Variants in METTL15 observed in about 807,000 individuals in gnomAD.
METTL15 encodes the protein methyltransferase 15, mitochondrial 12S rRNA N4-cytidine.
In METTL15, 34 loss-of-function variants were observed where a neutral mutation model predicts 38.3. The ratio of observed to expected loss-of-function variants is 0.89; its 90% confidence interval spans 0.68 to 1.18. METTL15 has a LOEUF of 1.18. Among genes scored for constraint, METTL15 ranks in the 50% most tolerant of loss-of-function variants. METTL15 has a pLI of 0.00. For synonymous variants in METTL15, 162 were observed against 170.9 expected, an observed-to-expected ratio of 0.95 and a Z score of 0.41; for missense variants, 438 against 498.4, an observed-to-expected ratio of 0.88 and a Z score of 1.15.
At chr11:28,446,424 C>A (rs987190380) in intron 6 of METTL15, among the ~76,000 whole-genome samples, 1 of 152,118 alleles carries the variant, frequency 6.6e-6, no homozygotes, top group Non-Finnish European at 1.5e-5. Context: ...GCAGATCTTA[C>A]AAGTTTTTCT....
intron 3 of METTL15, among the ~76,000 whole-genome samples, chr11:28,200,160 C>T (rs1193791472): frequency 6.6e-6 from 1 of 152,120 alleles, no homozygotes; most frequent in Non-Finnish European, 1.5e-5. Context: ...TATTCTACTT[C>T]TGTGAAAAAG....
intron 4 of METTL15, among the ~76,000 whole-genome samples, chr11:28,265,717 C>T (rs1855387642): frequency 6.6e-6 from 1 of 152,118 alleles, no homozygotes; most frequent in Non-Finnish European, 1.5e-5. Flanking sequence ...GCACTGTCTT[C>T]ATACAAATCT....
In METTL15 at chr11:28,507,653, C is replaced by T. The variant is rs576362662; in HGVS notation, c.*425-18825C>T. Among the ~76,000 whole-genome samples, 21 of 152,296 alleles carry T rather than the reference C, an allele frequency of 1.4e-4. No homozygotes were observed. The South Asian group carries it at 4.1e-3, about 30-fold the overall frequency. On this transcript the variant is annotated intron_variant and NMD_transcript_variant, in intron 6 of 7. Transcript: ENST00000532947. ...TCAAAAAATCTCCCCTACTCTTTCTCATCTCAGAAATGGGACCCTAATTTT... is the reference window on the plus strand; with the variant it reads ...TCAAAAAATCTCCCCTACTCTTTCTTATCTCAGAAATGGGACCCTAATTTT...
intron 5 of METTL15, among the ~76,000 whole-genome samples, chr11:28,401,296 G>A (rs181831731): frequency 7.3e-4 from 111 of 152,054 alleles, no homozygotes; most frequent in African/African-American, 2.6e-3. Context: ...ACCTGCCTGG[G>A]ATAATCATTT....
intron 6 of METTL15, among the ~76,000 whole-genome samples, chr11:28,498,106 C>G (rs900683230): frequency 4.0e-5 from 6 of 151,326 alleles, no homozygotes; most frequent in African/African-American, 1.5e-4. Flanking sequence ...GCATAGCTGT[C>G]ATGACTTAAT....
intron 6 of METTL15, among the ~76,000 whole-genome samples, chr11:28,446,908 A>G (rs1020758169): frequency 1.1e-4 from 16 of 152,298 alleles, no homozygotes; most frequent in African/African-American, 3.6e-4. Context: ...CTATAGAAAT[A>G]CAAGAATACA....
At position 28,433,950 on chromosome 11, in the gene METTL15, C is replaced by A. The variant is rs561007128; in HGVS notation, c.*424+9586C>A. Among the ~76,000 whole-genome samples the A allele has an allele frequency of 9.2e-5, 14 of 152,226 alleles. No individual in the cohort carries two copies. In the South Asian group the frequency reaches 2.5e-3, roughly 27 times the overall value. The stretch of plus-strand genomic sequence containing the variant: ...AAATGTAGTTAAACTAGACTCCTTC[C>A]TAAGTGAAGGATGGTCTCCTTGGGC... On this transcript the variant is annotated intron_variant and NMD_transcript_variant, in intron 6 of 7. Transcript: ENST00000532947.
intron 4 of METTL15, among the ~76,000 whole-genome samples, chr11:28,283,710 C>T (rs967160038): frequency 9.9e-5 from 15 of 152,100 alleles, no homozygotes; most frequent in African/African-American, 3.6e-4. Context: ...TGCCTACAAC[C>T]AAGGTATTGT....
At chr11:28,296,966 A>G (rs369012952) in intron 6 of METTL15, 35 bp downstream of exon 6, 2 of 1,610,150 alleles carry the variant, frequency 1.2e-6, no homozygotes, top group Non-Finnish European at 1.7e-6. Flanking sequence ...GTCTAAGAGA[A>G]AAAATTATAT....
In METTL15 at chr11:28,139,534, T is replaced by G. The variant is rs772039028; in HGVS notation, c.270+25930T>G. 3.3e-5 allele frequency among the ~76,000 whole-genome samples: 5 copies of G among 152,234 alleles called. No homozygotes were observed. The South Asian group carries it at 8.3e-4, about 25-fold the overall frequency. On this transcript the variant is annotated intron_variant, in intron 3 of 6. Transcript: ENST00000407364. Reference sequence around the variant, plus strand: ...TGGGAATTATCCGCATTTACCCACATGCTGCCTTTCCTCTGCTGTCAGTAA... The same window carrying G: ...TGGGAATTATCCGCATTTACCCACAGGCTGCCTTTCCTCTGCTGTCAGTAA...
At chr11:28,458,079 G>C (rs1321079671) in intron 6 of METTL15, among the ~76,000 whole-genome samples, 1 of 152,158 alleles carries the variant, frequency 6.6e-6, no homozygotes, top group Admixed American at 6.5e-5. Flanking sequence ...ATGAGGAGAT[G>C]GGGTGACTTT....
intron 6 of METTL15, among the ~76,000 whole-genome samples, chr11:28,319,621 C>T (rs145379823): frequency 1.2e-4 from 18 of 152,120 alleles, no homozygotes; most frequent in African/African-American, 3.9e-4. Context: ...TTTCATACTT[C>T]TCAGAATTTT....
chr11:28,512,497 C>T (rs1051267917), intron 6 of METTL15, among the ~76,000 whole-genome samples: 14 of 152,200 alleles, frequency 9.2e-5, no homozygotes, highest in African/African-American at 3.1e-4. Context: ...AGCTAAGGCC[C>T]GGTGAGAAAT....
At chr11:28,350,201 G>C (rs1564903310) in intron 3 of METTL15, among the ~76,000 whole-genome samples, 1 of 152,134 alleles carries the variant, frequency 6.6e-6, no homozygotes, top group Non-Finnish European at 1.5e-5. Flanking sequence ...ACCATAATCT[G>C]ATCCATGGGA....
chr11:28,498,638 T>A (rs1338807958), intron 6 of METTL15, among the ~76,000 whole-genome samples: 2 of 152,216 alleles, frequency 1.3e-5, no homozygotes, highest in African/African-American at 4.8e-5. Flanking sequence ...TTCCCCTTAT[T>A]TAGAGATTCA....
At chr11:28,497,056 TA>T (rs1302746096) in intron 6 of METTL15, among the ~76,000 whole-genome samples, 1 of 152,216 alleles carries the variant, frequency 6.6e-6, no homozygotes, top group East Asian at 1.9e-4. Flanking sequence ...CAGGATTTTG[TA>T]ACCTGGTTTA....
rs71858022 is a variant in METTL15, at chr11:28,318,961, CAAT to C, written c.779-11432_779-11430del. Among the ~76,000 whole-genome samples the C allele has an allele frequency of 3.3e-3, 495 of 152,234 alleles. 4 individuals carry two copies. The highest frequency in any genetic ancestry group is 0.012 in the African/African-American group (484 of 41,528). On this transcript the variant is annotated intron_variant, in intron 6 of 6. Coordinates refer to ENST00000407364, the MANE Select transcript of METTL15 (RefSeq NM_001113528.2). ...ATGTACAGTCAATAACCTGAGCTAA[CAAT>C]AAGTTATTTTCAATAGAACAAAAAG... is the stretch of plus-strand genomic sequence containing the variant.
intron 6 of METTL15, chr11:28,516,850 G>A (rs567298403): frequency 1.4e-4 from 21 of 152,258 alleles, no homozygotes; most frequent in African/African-American, 4.3e-4. Flanking sequence ...GAATGTCATC[G>A]GAATGCCCAT....
intron 6 of METTL15, among the ~76,000 whole-genome samples, chr11:28,525,061 C>T (rs1275072209): frequency 2.0e-5 from 3 of 151,914 alleles, no homozygotes; most frequent in African/African-American, 7.3e-5. Context: ...CTGGTGGGTT[C>T]GTGGTCTCGC....
Sources: allele counts gnomAD v4.1 joint callset (sites outside exome capture counted in the v4.1 genomes callset), GRCh38; gene constraint gnomAD v4.1.1; transcripts MANE v1.5; gene names NCBI Gene and HGNC (gene_info 2026-07-23, HGNC 2026-07-21).